Variants in SGIP1 observed in about 807,000 individuals in gnomAD.
The protein encoded by SGIP1 is SH3GL interacting endocytic adaptor 1, also known as SH3-containing GRB2-like protein 3-interacting protein 1.
A neutral mutation model predicts 107.5 loss-of-function variants in SGIP1; 38 were observed. The observed-to-expected ratio is 0.35, with a 90% CI of 0.27 to 0.46. The LOEUF (loss-of-function observed/expected upper bound fraction) is 0.46, where lower values mean the gene tolerates loss of function less well. Ranked by LOEUF, SGIP1 falls within the 20% of genes least tolerant of loss-of-function variation. The probability of loss-of-function intolerance (pLI) is 1.00; values close to 1 mark genes in which losing one functional copy is unlikely to be tolerated. For synonymous variants in SGIP1, 365 were observed against 366.1 expected (o/e 1.00, Z 0.03); for missense variants, 929 against 1,019.5 (o/e 0.91, Z 1.21).
chr1:66,744,535 G>A lies in SGIP1; in HGVS notation c.*1440G>A, dbSNP rs1028136548. ...TTACAGGTTATGCTATTAAATAGCT[G>A]TAATTATTAAGTTATTATTTTTATA... is the stretch of plus-strand genomic sequence containing the variant. On this transcript the variant is annotated 3_prime_UTR_variant, in exon 25 of 25. Transcript: ENST00000371037. 2.6e-5 allele frequency: 4 copies of A among 151,962 alleles called. No individual in the cohort carries two copies. Among genetic ancestry groups the A allele is most frequent in the African/African-American group, 9.7e-5 (4 of 41,410 alleles). 9.4% of individuals were successfully genotyped at this position (151,962 alleles called of 1,614,324 possible). A position where few individuals can be genotyped will look rare whatever the true frequency, so the allele number is the denominator to read the frequency against.
At chr1:66,663,481 G>T (rs888801818) in intron 8 of SGIP1, among the ~76,000 whole-genome samples, 14 of 152,066 alleles carry the variant, frequency 9.2e-5, no homozygotes, top group Non-Finnish European at 2.1e-4. Context: ...TTCTGTCCTT[G>T]TCCAGCATAG....
At chr1:66,534,535 T>C (rs1157372217) in intron 1 of SGIP1, among the ~76,000 whole-genome samples, 167 bp downstream of exon 1, 1 of 152,158 alleles carries the variant, frequency 6.6e-6, no homozygotes, top group Non-Finnish European at 1.5e-5. Context: ...CTCAGACTAA[T>C]GGAATCAAAC....
At chr1:66,730,207 T>A (rs1038129982) in intron 20 of SGIP1, among the ~76,000 whole-genome samples, 2 of 152,156 alleles carry the variant, frequency 1.3e-5, no homozygotes, top group African/African-American at 4.8e-5. Flanking sequence ...ATTGTAATGA[T>A]CATTGTTTTG....
chr1:66,651,891 T>G (rs572884790), intron 7 of SGIP1, among the ~76,000 whole-genome samples: 8 of 152,324 alleles, frequency 5.3e-5, no homozygotes, highest in African/African-American at 1.9e-4. Flanking sequence ...TCAGTTCCCC[T>G]AATCAGTTAA....
intron 1 of SGIP1, among the ~76,000 whole-genome samples, chr1:66,608,862 A>G (rs1352605857): frequency 6.6e-6 from 1 of 152,052 alleles, no homozygotes; most frequent in Non-Finnish European, 1.5e-5. Flanking sequence ...ACTTTGCTGT[A>G]TTTTTAGGGT....
chr1:66,690,151 T>C, intron 16 of SGIP1, 39 bp from the exon 17 acceptor site: 2 of 1,608,196 alleles, frequency 1.2e-6, no homozygotes, highest in East Asian at 2.2e-5. Flanking sequence ...TACTGCAACC[T>C]GTGTATCTAA....
intron 15 of SGIP1, among the ~76,000 whole-genome samples, chr1:66,688,286 TG>T (rs1046840573): frequency 6.6e-6 from 1 of 152,238 alleles, no homozygotes; most frequent in Admixed American, 6.5e-5. Flanking sequence ...TAAAGGTTTT[TG>T]GTCAAGTTTC....
intron 1 of SGIP1, among the ~76,000 whole-genome samples, chr1:66,607,936 G>C (rs1384588449): frequency 6.6e-6 from 1 of 152,200 alleles, no homozygotes; most frequent in Non-Finnish European, 1.5e-5. Flanking sequence ...TGGGAGAGGA[G>C]AATAGGGGAA....
chr1:66,607,300 T>A (rs965268590), intron 1 of SGIP1, among the ~76,000 whole-genome samples: 17 of 152,374 alleles, frequency 1.1e-4, no homozygotes, highest in African/African-American at 3.1e-4. Context: ...TGGAGTTTTA[T>A]CACCCACAGT....
At position 66,690,270 on chromosome 1, in the gene SGIP1, A is replaced by G; in HGVS notation, c.1524A>G (p.Ser508=). 6.2e-7 allele frequency: 1 copy of G among 1,614,168 alleles called. No homozygotes were observed. Among genetic ancestry groups the G allele is most frequent in the Non-Finnish European group, 8.5e-7 (1 of 1,180,020 alleles). Residue 508 remains serine (S), a synonymous_variant, in exon 17 of 25, where the codon TCA becomes TCG. Transcript: ENST00000371037. ...APLARAESTS[S]ISSTNSLSAA... Reference sequence around the variant, plus strand: ...TAGCGCGGGCTGAAAGCACTTCTTCAATATCGTCAACCAATTCCTTGAGCG... The same window carrying G: ...TAGCGCGGGCTGAAAGCACTTCTTCGATATCGTCAACCAATTCCTTGAGCG...
intron 18 of SGIP1, among the ~76,000 whole-genome samples, chr1:66,711,720 T>C (rs1334009990): frequency 6.6e-6 from 1 of 152,172 alleles, no homozygotes; most frequent in Non-Finnish European, 1.5e-5. Context: ...GGCAGTTGTT[T>C]GGCCTGATAG....
intron 1 of SGIP1, among the ~76,000 whole-genome samples, chr1:66,589,388 C>A (rs1463426324): frequency 6.6e-6 from 1 of 150,742 alleles, no homozygotes; most frequent in Non-Finnish European, 1.5e-5. Context: ...CTGTTCTTAA[C>A]CCCAATTTCT....
intron 1 of SGIP1, among the ~76,000 whole-genome samples, chr1:66,617,073 T>A (rs911545808): frequency 6.6e-6 from 1 of 152,204 alleles, no homozygotes; most frequent in African/African-American, 2.4e-5. Context: ...GGATTTCCTT[T>A]AAGTCAAGTA....
Position 66,690,276 on chromosome 1 carries a change from G to A in SGIP1, c.1530G>A (p.Ser510=), listed in dbSNP as rs778204860. The change falls in exon 17 of 25, where the codon TCG becomes TCA. Residue 510 remains serine, a synonymous_variant. Transcript: ENST00000371037. ...GGGCTGAAAGCACTTCTTCAATATC[G>A]TCAACCAATTCCTTGAGCGCAGCCA... The part of the protein sequence containing the change: ...LARAESTSSI[S]STNSLSAATT... The A allele has an allele frequency of 7.4e-6, 12 of 1,613,964 alleles. No individual in the cohort carries two copies. Among genetic ancestry groups the A allele is most frequent in the Admixed American group, 1.7e-5 (1 of 60,020 alleles).
At chr1:66,691,367 G>A (rs1241954726) in intron 17 of SGIP1, among the ~76,000 whole-genome samples, 2 of 152,122 alleles carry the variant, frequency 1.3e-5, no homozygotes, top group Admixed American at 6.5e-5. Context: ...ATAAGTTAAG[G>A]TGTGCCTTTT....
rs201398961 is a variant in SGIP1, at chr1:66,635,992, C to T, written c.148C>T (p.Arg50Cys). Residue 50 changes from arginine (R) to cysteine (C), a missense_variant, in exon 4 of 25, where the codon CGT (arginine) becomes TGT (cysteine). Physicochemically the swap from Arg to Cys is radical, Grantham distance 180 (BLOSUM62 -3). Transcript: ENST00000371037. ...CTACAATAGCAAAGCAGAGTGTGCG[C>T]GTGAAGGAGGAAAAAAAGTTTCGGT... ...PPYNSKAECA[R>C]EGGKKVSKKS... 50 of 1,613,476 alleles carry T rather than the reference C, an allele frequency of 3.1e-5. No individual in the cohort carries two copies. The highest frequency in any genetic ancestry group is 9.3e-5 in the African/African-American group (7 of 74,900).
intron 18 of SGIP1, among the ~76,000 whole-genome samples, chr1:66,707,864 C>G (rs1005792240): frequency 6.6e-6 from 1 of 152,114 alleles, no homozygotes; most frequent in African/African-American, 2.4e-5. Flanking sequence ...AATTGCTCCC[C>G]AAGTCGAATT....
intron 1 of SGIP1, among the ~76,000 whole-genome samples, chr1:66,560,918 A>C (rs758547420): frequency 6.6e-6 from 1 of 152,060 alleles, no homozygotes; most frequent in Non-Finnish European, 1.5e-5. Flanking sequence ...GCATATAAAG[A>C]AAAGTGCACT....
chr1:66,615,598 T>A (rs894905728), intron 1 of SGIP1, among the ~76,000 whole-genome samples: 1 of 152,242 alleles, frequency 6.6e-6, no homozygotes, highest in Non-Finnish European at 1.5e-5. Context: ...TTATCCAGTA[T>A]ATTTTCTTTT....
Sources: allele counts gnomAD v4.1 joint callset (sites outside exome capture counted in the v4.1 genomes callset), GRCh38; gene constraint gnomAD v4.1.1; transcripts MANE v1.5; gene names NCBI Gene and HGNC (gene_info 2026-07-23, HGNC 2026-07-21).